SPDYA: variants seen among roughly 807,000 people sequenced by gnomAD.
SPDYA encodes speedy/RINGO cell cycle regulator family member A, also known as speedy protein A.
Under a neutral mutation model 36.7 loss-of-function variants are expected in SPDYA, and 11 were observed. The ratio of observed to expected loss-of-function variants is 0.30; its 90% CI spans 0.19 to 0.50. SPDYA has a LOEUF of 0.50. Among genes scored for constraint, SPDYA ranks in the 20% least tolerant of loss-of-function variants. The probability of loss-of-function intolerance (pLI) is 0.98; values close to 1 mark genes in which losing one functional copy is unlikely to be tolerated. For missense variants in SPDYA, 287 were observed against 370.9 expected (o/e 0.77, Z 1.86); for synonymous variants, 115 against 118.7 (o/e 0.97, Z 0.20).
chr2:28,844,144 C>G (rs917307389), intron 7 of SPDYA, among the ~76,000 whole-genome samples: 2 of 152,152 alleles, frequency 1.3e-5, no homozygotes, highest in South Asian at 4.1e-4. Flanking sequence ...AAAATTCTTA[C>G]ACTTAATGAA....
At chr2:28,816,357 T>A (rs1667983677) in intron 3 of SPDYA, 108 bp downstream of exon 3, 2 of 902,572 alleles carry the variant, frequency 2.2e-6, no homozygotes, top group East Asian at 6.1e-5. Flanking sequence ...TATTTTTGTA[T>A]TAAATTTCCC....
intron 7 of SPDYA, among the ~76,000 whole-genome samples, chr2:28,844,362 A>G (rs1668819975): frequency 1.3e-5 from 2 of 152,216 alleles, no homozygotes; most frequent in African/African-American, 2.4e-5. Flanking sequence ...AGCAGACAGA[A>G]GTTTGAAAAT....
At chr2:28,824,829 G>A (rs576483014) in intron 5 of SPDYA, among the ~76,000 whole-genome samples, 7 of 152,156 alleles carry the variant, frequency 4.6e-5, no homozygotes, top group African/African-American at 9.6e-5. Context: ...GATTACAGGC[G>A]TGAGCCACCG....
At chr2:28,849,177 A>C (rs961258145) in intron 7 of SPDYA, among the ~76,000 whole-genome samples, 1 of 152,206 alleles carries the variant, frequency 6.6e-6, no homozygotes, top group Non-Finnish European at 1.5e-5. Flanking sequence ...ATAGTAAGTG[A>C]AAAACATATA....
chr2:28,845,662 A>G (rs1470293608), intron 7 of SPDYA, among the ~76,000 whole-genome samples: 1 of 152,060 alleles, frequency 6.6e-6, no homozygotes, highest in Non-Finnish European at 1.5e-5. Context: ...CTTGTGCCTC[A>G]GCCTTCCCAG....
At chr2:28,848,921 C>T (rs1367122955) in intron 7 of SPDYA, among the ~76,000 whole-genome samples, 4 of 151,938 alleles carry the variant, frequency 2.6e-5, no homozygotes, top group African/African-American at 9.7e-5. Context: ...TGGCATGTGC[C>T]TGTAGTCCAA....
chr2:28,822,457 C>T (rs4436918), intron 5 of SPDYA, 47 bp downstream of exon 5: 1,026,701 of 1,033,870 alleles, frequency 0.99, 510,108 homozygotes, highest in East Asian at 1. Flanking sequence ...CTATTATATA[C>T]ATTACACCTT....
At position 28,850,573 on chromosome 2, in the gene SPDYA, C is replaced by T. The variant is rs777558233; in HGVS notation, c.*632C>T. The stretch of plus-strand genomic sequence containing the variant: ...CAGTTATTATACAGAAACTATTTGT[C>T]AATGATTATGTAATAAACATATGAT... On this transcript the variant is annotated 3_prime_UTR_variant, in exon 8 of 8. Transcript: ENST00000334056. 9 of 558,922 alleles carry T rather than the reference C, an allele frequency of 1.6e-5. No homozygotes were observed. The highest frequency in any genetic ancestry group is 2.9e-5 in the Non-Finnish European group (9 of 315,436). The allele number at this position is 558,922 out of a possible 1,614,324, so 34.6% of individuals were successfully genotyped here. A position where few individuals can be genotyped will look rare whatever the true frequency, so the allele number is the denominator to read the frequency against.
intron 6 of SPDYA, among the ~76,000 whole-genome samples, chr2:28,837,336 C>G (rs1405391714): frequency 6.6e-6 from 1 of 152,004 alleles, no homozygotes. Flanking sequence ...ATATATATAA[C>G]AGGAAGAGTA....
At position 28,829,138 on chromosome 2, in the gene SPDYA, T is replaced by C. The variant is rs369244461; in HGVS notation, c.381-10T>C. ...CCATTTCTTTTTTGGGTTGTGATCT[T>C]CTTTGTTAGGTATCTGGCTAATACA... is the stretch of plus-strand genomic sequence containing the variant. On this transcript the variant is annotated splice_polypyrimidine_tract_variant and intron_variant, in intron 5 of 7. Coordinates refer to ENST00000334056, the MANE Select transcript of SPDYA (RefSeq NM_182756.4). 3 of 1,604,272 alleles carry C rather than the reference T, an allele frequency of 1.9e-6. No homozygotes were observed. The highest frequency in any genetic ancestry group is 1.3e-5 in the African/African-American group (1 of 74,144).
intron 1 of SPDYA, among the ~76,000 whole-genome samples, chr2:28,813,756 C>T (rs770752818): frequency 5.3e-5 from 8 of 151,826 alleles, no homozygotes; most frequent in African/African-American, 1.5e-4. Context: ...TTCACCATGT[C>T]GGTCAGGCTG....
At chr2:28,838,178 A>ATTTTTT (rs61135451) in intron 6 of SPDYA, among the ~76,000 whole-genome samples, 3 of 115,586 alleles carry the variant, frequency 2.6e-5, no homozygotes, top group African/African-American at 9.9e-5. Flanking sequence ...GAAGTAACGG[A>ATTTTTT]TTTTTTTTTT....
chr2:28,832,213 A>G (rs1668495733), intron 6 of SPDYA, among the ~76,000 whole-genome samples: 1 of 152,160 alleles, frequency 6.6e-6, no homozygotes, highest in Non-Finnish European at 1.5e-5. Context: ...CAGGCCACCA[A>G]ATATCTCTAT....
At chr2:28,820,259 G>GAGC (rs1668123597) in intron 4 of SPDYA, among the ~76,000 whole-genome samples, 1 of 151,990 alleles carries the variant, frequency 6.6e-6, no homozygotes, top group African/African-American at 2.4e-5. Flanking sequence ...TACACACTGG[G>GAGC]AGCAGCGATG....
At chr2:28,819,719 C>T (rs965846105) in intron 4 of SPDYA, among the ~76,000 whole-genome samples, 3 of 147,068 alleles carry the variant, frequency 2.0e-5, no homozygotes, top group African/African-American at 7.6e-5. Flanking sequence ...TGTGGCAGCT[C>T]ATGCCTGTAA....
rs575337029 is a variant in SPDYA at position 28,819,914 on chromosome 2, G to A, written c.294+808G>A. On this transcript the variant is annotated intron_variant, in intron 4 of 7. Coordinates refer to ENST00000334056, the MANE Select transcript of SPDYA (RefSeq NM_182756.4). ...TATATATATATATATTTTATCCTGA[G>A]GCAGGAGGATTGCTTGAGCCAGGGA... Among the ~76,000 whole-genome samples the A allele has an allele frequency of 7.0e-4, 90 of 128,028 alleles. 1 individual carries two copies. The highest frequency in any genetic ancestry group is 2.8e-3 in the African/African-American group (88 of 31,822). 84.0% of individuals were successfully genotyped at this position (128,028 alleles called of 152,430 possible).
chr2:28,835,779 CT>C (rs1455210134), intron 6 of SPDYA, among the ~76,000 whole-genome samples: 2 of 152,196 alleles, frequency 1.3e-5, no homozygotes, highest in Non-Finnish European at 2.9e-5. Flanking sequence ...CATTTGAATC[CT>C]GTAGGCGTAT....
intron 2 of SPDYA, among the ~76,000 whole-genome samples, chr2:28,815,397 A>C (rs560919264): frequency 2.7e-4 from 41 of 152,260 alleles, no homozygotes; most frequent in African/African-American, 9.6e-4. Context: ...CCTTCAAAGC[A>C]CATCTACATT....
At chr2:28,834,749 A>T (rs1668554268) in intron 6 of SPDYA, among the ~76,000 whole-genome samples, 1 of 152,180 alleles carries the variant, frequency 6.6e-6, no homozygotes, top group Non-Finnish European at 1.5e-5. Flanking sequence ...TGCTTTATAT[A>T]TAGAGTGATG....
Sources: gnomAD v4.1 joint callset for allele counts (sites outside exome capture counted in the v4.1 genomes callset) on GRCh38, gnomAD v4.1.1 for gene constraint, MANE v1.5 for transcripts, NCBI Gene and HGNC (gene_info 2026-07-23, HGNC 2026-07-21) for gene names.